Variants in SKAP1 observed in about 807,000 individuals in gnomAD.
The protein encoded by SKAP1 is src kinase-associated phosphoprotein 1.
A neutral mutation model predicts 58.5 loss-of-function variants in SKAP1; 44 were observed. The ratio of observed to expected loss-of-function variants is 0.75; its 90% confidence interval spans 0.59 to 0.97. The LOEUF (loss-of-function observed/expected upper bound fraction) is 0.97. SKAP1 is among the 50% of genes least tolerant of loss of function. The pLI, the probability that SKAP1 is intolerant of heterozygous loss-of-function variation, is 0.00. For missense variants in SKAP1, 390 were observed against 435.2 expected (o/e 0.90, Z 0.92); for synonymous variants, 127 against 149.7 (o/e 0.85, Z 1.11).
the SKAP1 span, among the ~76,000 whole-genome samples, chr17:48,438,893 G>A: frequency 3.3e-5 from 5 of 152,246 alleles, no homozygotes; most frequent in South Asian, 1.0e-3. Context: ...AGGGTTGATG[G>A]CCTAGAGATG....
At chr17:48,167,448 A>G (rs1381167903) in intron 10 of SKAP1, among the ~76,000 whole-genome samples, 1 of 152,196 alleles carries the variant, frequency 6.6e-6, no homozygotes, top group Non-Finnish European at 1.5e-5. Flanking sequence ...AACAGGCTTC[A>G]AAAGGTAAGA....
intron 4 of SKAP1, among the ~76,000 whole-genome samples, chr17:48,280,553 T>C (rs1295872147): frequency 6.6e-6 from 1 of 152,070 alleles, no homozygotes; most frequent in African/African-American, 2.4e-5. Context: ...AAATGTACAG[T>C]TTAATGAATT....
At chr17:48,179,287 G>T (rs1567807939) in intron 9 of SKAP1, among the ~76,000 whole-genome samples, 1 of 152,088 alleles carries the variant, frequency 6.6e-6, no homozygotes, top group Non-Finnish European at 1.5e-5. Context: ...CGTTCCTGTG[G>T]TCTAACTACT....
chr17:48,437,741 C>CAAAAAA, the SKAP1 span, among the ~76,000 whole-genome samples: 121 of 65,510 alleles, frequency 1.8e-3, 2 homozygotes, highest in African/African-American at 5.7e-3. Context: ...GACTCTGTCT[C>CAAAAAA]AAAAAAAAAA....
At chr17:48,317,282 C>T (rs569371496) in intron 4 of SKAP1, among the ~76,000 whole-genome samples, 8 of 152,182 alleles carry the variant, frequency 5.3e-5, no homozygotes, top group East Asian at 1.9e-4. Context: ...ATAAAAAAGA[C>T]GAACATAAAA....
rs1241024008 is a variant in SKAP1, at chr17:48,180,172, A to T, written c.708T>A (p.Asp236Glu). 6.2e-7 allele frequency: 1 copy of T among 1,613,856 alleles called. No individual in the cohort carries two copies. The highest frequency in any genetic ancestry group is 2.2e-5 in the East Asian group (1 of 44,872). Residue 236 changes from aspartate (D) to glutamate (E), a missense_variant, in exon 9 of 13, where the codon GAT becomes GAA. By Grantham distance (45) the Asp-to-Glu change is conservative. Transcript: ENST00000336915. ...EEKEETYDDIDGFDSPSCGSQ... is the reference protein window; with the variant it reads ...EEKEETYDDIEGFDSPSCGSQ... The stretch of plus-strand genomic sequence containing the variant: ...AACCACAACTTGGGGAGTCAAAACC[A>T]TCAATATCATCATATGTCTCTTCTT...
chr17:48,170,773 G>C, intron 9 of SKAP1, 114 bp from the exon 10 acceptor site: 1 of 884,658 alleles, frequency 1.1e-6, no homozygotes. Context: ...GCAGTGGAAC[G>C]ATTTTCGGTT....
At chr17:48,418,378 A>G (rs1226283082) in intron 1 of SKAP1, among the ~76,000 whole-genome samples, 1 of 152,212 alleles carries the variant, frequency 6.6e-6, no homozygotes, top group Admixed American at 6.6e-5. Context: ...AAATATATCT[A>G]TCAATTATTT....
chr17:48,287,221 G>C (rs184969082), intron 4 of SKAP1, among the ~76,000 whole-genome samples: 2 of 152,160 alleles, frequency 1.3e-5, no homozygotes, highest in African/African-American at 4.8e-5. Context: ...ACACAGGAGT[G>C]ACTCTTACCA....
At chr17:48,142,022 G>A (rs1346762452) in intron 11 of SKAP1, among the ~76,000 whole-genome samples, 14 of 152,148 alleles carry the variant, frequency 9.2e-5, no homozygotes, top group Non-Finnish European at 1.6e-4. Context: ...AAGAGCTTGT[G>A]ATTACACTGC....
At chr17:48,148,744 T>C (rs1426386149) in intron 11 of SKAP1, among the ~76,000 whole-genome samples, 1 of 151,458 alleles carries the variant, frequency 6.6e-6, no homozygotes, top group East Asian at 1.9e-4. Context: ...GGGGAGGGGG[T>C]GTTGGGGGAG....
chr17:48,205,249 A>T (rs1035742453), intron 4 of SKAP1, among the ~76,000 whole-genome samples: 17 of 151,492 alleles, frequency 1.1e-4, no homozygotes, highest in Non-Finnish European at 2.2e-4. Context: ...AGCTGAAACT[A>T]CAGGCACATG....
chr17:48,350,216 T>TA (rs143328356), intron 3 of SKAP1, among the ~76,000 whole-genome samples: 12,338 of 152,144 alleles, frequency 0.081, 647 homozygotes, highest in East Asian at 0.2. Flanking sequence ...GTTTAAGCAT[T>TA]AAAAAAAGTG....
chr17:48,390,947 C>T (rs538172984), intron 2 of SKAP1, among the ~76,000 whole-genome samples: 13 of 152,078 alleles, frequency 8.5e-5, no homozygotes, highest in South Asian at 8.3e-4. Flanking sequence ...TGGTGGTGCA[C>T]GCCTGTAGTC....
At chr17:48,387,868 C>T (rs974045403) in intron 2 of SKAP1, among the ~76,000 whole-genome samples, 1 of 151,896 alleles carries the variant, frequency 6.6e-6, no homozygotes, top group South Asian at 2.1e-4. Context: ...GTAGAATGTT[C>T]GAATTGAATT....
rs11079820 is a variant in SKAP1 at position 48,396,756 on chromosome 17, G to A, written c.76C>T (p.Arg26Trp). 8.1e-6 allele frequency: 13 copies of A among 1,612,696 alleles called. No individual in the cohort carries two copies. Among genetic ancestry groups the A allele is most frequent in the Admixed American group, 1.7e-5 (1 of 59,934 alleles). The change falls in exon 2 of 13, where the codon CGG becomes TGG. Residue 26 changes from arginine (R) to tryptophan (W), a missense_variant. Arg to Trp is a moderately radical substitution (Grantham distance 101, BLOSUM62 -3). Coordinates refer to ENST00000336915, the MANE Select transcript of SKAP1 (RefSeq NM_003726.4). ...GCAACAGCGCTGAGGTTCTCATTCC[G>A]CAAACCTTCTGCCAGAAACTCTTCA... ...DAEEFLAEGL[R>W]NENLSAVARD...
At chr17:48,426,517 A>G (rs1220943144) in intron 1 of SKAP1, among the ~76,000 whole-genome samples, 1 of 152,198 alleles carries the variant, frequency 6.6e-6, no homozygotes, top group Non-Finnish European at 1.5e-5. Context: ...GAAGAGACTG[A>G]TTATGTTTAT....
chr17:48,178,949 A>C (rs1441979622), intron 9 of SKAP1, among the ~76,000 whole-genome samples: 4 of 152,228 alleles, frequency 2.6e-5, no homozygotes, highest in African/African-American at 9.6e-5. Flanking sequence ...ATGTGGTCAC[A>C]GTCCTGCCAC....
At chr17:48,406,411 T>C (rs1019020173) in intron 1 of SKAP1, among the ~76,000 whole-genome samples, 1 of 145,960 alleles carries the variant, frequency 6.9e-6, no homozygotes, top group Non-Finnish European at 1.5e-5. Flanking sequence ...TTTTTTTTTC[T>C]TTTTTTTTTT....
Sources: gnomAD v4.1 joint callset for allele counts (sites outside exome capture counted in the v4.1 genomes callset) on GRCh38, gnomAD v4.1.1 for gene constraint, MANE v1.5 for transcripts, NCBI Gene and HGNC (gene_info 2026-07-23, HGNC 2026-07-21) for gene names.